Variants in PATL1 observed in about 807,000 individuals in gnomAD.
PATL1 encodes protein PAT1 homolog 1.
Under a neutral mutation model 100.6 loss-of-function variants are expected in PATL1, and 32 were observed. That is an observed-to-expected ratio of 0.32 (90% CI 0.24 to 0.43). PATL1 has a LOEUF of 0.43. Ranked by LOEUF, PATL1 falls within the 20% of genes least tolerant of loss-of-function variation. PATL1 has a pLI of 1.00. For missense variants in PATL1, 747 were observed against 949.9 expected (o/e 0.79, Z 2.81); for synonymous variants, 332 against 330.0 (o/e 1.01, Z -0.07).
chr11:59,641,017 C>T (rs1289941777), intron 16 of PATL1, among the ~76,000 whole-genome samples: 1 of 151,950 alleles, frequency 6.6e-6, no homozygotes, highest in Non-Finnish European at 1.5e-5. Context: ...GCTAAAAACA[C>T]AAACATTAGC....
chr11:59,664,643 T>C (rs1288172714), intron 2 of PATL1, among the ~76,000 whole-genome samples: 1 of 152,210 alleles, frequency 6.6e-6, no homozygotes, highest in African/African-American at 2.4e-5. Flanking sequence ...GGCACCATCA[T>C]AGCTGATGCA....
rs767487031 is a variant in PATL1, at chr11:59,642,967, G to A, written c.1962C>T (p.Ser654=). 3 of 1,613,966 alleles carry A rather than the reference G, an allele frequency of 1.9e-6. No homozygotes were observed. The highest frequency in any genetic ancestry group is 2.5e-6 in the Non-Finnish European group (3 of 1,179,860). ...GTAGGTTCATTAGCTGTCGCAAAAG[G>A]CTGGTGATACTCACTGATGGAAGAT... The part of the protein sequence containing the change: ...LYHLPSVSIT[S]LLRQLMNLPQ... Residue 654 remains serine (S), a synonymous_variant, in exon 16 of 19, where the codon AGC becomes AGT. Transcript: ENST00000300146.
chr11:59,668,388 T>C (rs1861722095), intron 1 of PATL1, among the ~76,000 whole-genome samples: 1 of 152,118 alleles, frequency 6.6e-6, no homozygotes, highest in African/African-American at 2.4e-5. Context: ...GCTGGGGCCC[T>C]AATCCAACGG....
chr11:59,641,793 A>C (rs1861284266), intron 16 of PATL1, among the ~76,000 whole-genome samples: 2 of 152,150 alleles, frequency 1.3e-5, no homozygotes, highest in Non-Finnish European at 2.9e-5. Context: ...CAGAAAAAAA[A>C]TACTACTGCC....
chr11:59,663,971 C>T (rs990219438), intron 2 of PATL1, among the ~76,000 whole-genome samples: 3 of 152,166 alleles, frequency 2.0e-5, no homozygotes, highest in Admixed American at 1.3e-4. Flanking sequence ...ATAGTATTTA[C>T]ACCAAGCTGT....
chr11:59,659,029 A>C, intron 3 of PATL1, 83 bp from the exon 4 acceptor site: 1 of 1,269,614 alleles, frequency 7.9e-7, no homozygotes, highest in Non-Finnish European at 1.1e-6. Flanking sequence ...ACAAGGTTCC[A>C]AAAGAGCCTC....
chr11:59,648,491 A>AC (rs1861395520), intron 14 of PATL1, among the ~76,000 whole-genome samples: 1 of 150,696 alleles, frequency 6.6e-6, no homozygotes, highest in Non-Finnish European at 1.5e-5. Context: ...CCACACAAAT[A>AC]CCATATGGTT....
intron 1 of PATL1, 191 bp from the exon 2 acceptor site, chr11:59,667,155 C>T (rs1222505000): frequency 1.2e-6 from 1 of 849,572 alleles, no homozygotes; most frequent in African/African-American, 1.8e-5. Flanking sequence ...CTTTCACTTT[C>T]TATTTCCTAA....
chr11:59,647,650 GACAAAAAT>G, intron 15 of PATL1, 96 bp downstream of exon 15: 1 of 1,233,188 alleles, frequency 8.1e-7, no homozygotes, highest in Non-Finnish European at 1.1e-6. Context: ...CCAAAGATTA[GACAAAAAT>G]ACAAAAGGGA....
At chr11:59,638,916 C>T (rs552957841) in intron 18 of PATL1, 132 bp downstream of exon 18, 2 of 1,032,764 alleles carry the variant, frequency 1.9e-6, no homozygotes, top group African/African-American at 1.6e-5. Context: ...CTCCTGGCCT[C>T]AAGTGATCCA....
intron 18 of PATL1, 39 bp from the exon 19 acceptor site, chr11:59,638,450 G>A (rs1367654827): frequency 6.4e-7 from 1 of 1,564,290 alleles, no homozygotes; most frequent in Non-Finnish European, 8.8e-7. Flanking sequence ...TTGTATAAAT[G>A]AGTTAAAACA....
chr11:59,638,561 A>G lies in PATL1; in HGVS notation c.2292-150T>C, dbSNP rs1861225557. 9.1e-6 allele frequency: 7 copies of G among 767,562 alleles called. No individual in the cohort carries two copies. In the East Asian group the frequency reaches 1.9e-4, roughly 21 times the overall value. The allele number at this position is 767,562 out of a possible 1,614,324, so 47.5% of individuals were successfully genotyped here. Reference sequence around the variant, plus strand: ...CCTTAGCATTTGGTCATCTTTTATGAAGGCCCTGTTGTACCCAGTTCAGTG... The same window carrying G: ...CCTTAGCATTTGGTCATCTTTTATGGAGGCCCTGTTGTACCCAGTTCAGTG... On this transcript the variant is annotated intron_variant, in intron 18 of 18. Transcript: ENST00000300146.
intron 16 of PATL1, 79 bp from the exon 17 acceptor site, chr11:59,639,462 C>G: frequency 2.8e-6 from 3 of 1,079,308 alleles, no homozygotes; most frequent in Non-Finnish European, 4.1e-6. Context: ...ATCCTGGCAT[C>G]AGATGGGGAA....
At chr11:59,666,678 G>T (rs1218390158) in intron 2 of PATL1, among the ~76,000 whole-genome samples, 175 bp downstream of exon 2, 1 of 152,220 alleles carries the variant, frequency 6.6e-6, no homozygotes, top group Admixed American at 6.5e-5. Context: ...ACCCAGAGGA[G>T]CAGGATAGGT....
At position 59,643,915 on chromosome 11, in the gene PATL1, C is replaced by G. The variant is rs80285603; in HGVS notation, c.1894-880G>C. 3.3e-3 allele frequency among the ~76,000 whole-genome samples: 509 copies of G among 152,124 alleles called. 5 individuals carry two copies. The highest frequency in any genetic ancestry group is 0.011 in the African/African-American group (457 of 41,480). On this transcript the variant is annotated intron_variant, in intron 15 of 18. Transcript: ENST00000300146. ...TTATTTCTTTTTGTCATGTAGCCAA[C>G]TGGAAAGTTAAAATAAAGAACTATT... is the stretch of plus-strand genomic sequence containing the variant.
chr11:59,652,088 A>AAAAAAAAAAAAAAAAAAAAAAAAAAAAC (rs1171198783), intron 11 of PATL1, among the ~76,000 whole-genome samples: 1 of 147,298 alleles, frequency 6.8e-6, no homozygotes, highest in Non-Finnish European at 1.5e-5. Context: ...AAAAAAAAAA[A>AAAAAAAAAAAAAAAAAAAAAAAAAAAAC]AAAAGACAAA....
rs555055100 is a variant in PATL1, at chr11:59,642,739, C to T, written c.2049+141G>A. 2.2e-5 allele frequency: 19 copies of T among 862,764 alleles called. No homozygotes were observed. The South Asian group carries it at 2.4e-4, about 11-fold the overall frequency. The allele number at this position is 862,764 out of a possible 1,614,324, so 53.4% of individuals were successfully genotyped here. A position where few individuals can be genotyped will look rare whatever the true frequency, so the allele number is the denominator to read the frequency against. The stretch of plus-strand genomic sequence containing the variant: ...TGTTGAAAACACTGTTATTTCTAGC[C>T]GGTTACTAGGAGCTTAATGTAACTC... On this transcript the variant is annotated intron_variant, in intron 16 of 18. Transcript: ENST00000300146.
rs1031928571 is a variant in PATL1 at position 59,668,931 on chromosome 11, G to C, written c.-36C>G. On this transcript the variant is annotated 5_prime_UTR_variant, in exon 1 of 19. Coordinates refer to ENST00000300146, the MANE Select transcript of PATL1 (RefSeq NM_152716.3). ...GGGGGCAGGGAGCGGGGAGGGGAGA[G>C]GGGGAGGGAGGGAAGAAGCGCTGAC... 7 of 435,774 alleles carry C rather than the reference G, an allele frequency of 1.6e-5. No homozygotes were observed. The highest frequency in any genetic ancestry group is 8.8e-5 in the South Asian group (2 of 22,750). 27.0% of individuals were successfully genotyped at this position (435,774 alleles called of 1,614,324 possible). A position where few individuals can be genotyped will look rare whatever the true frequency, so the allele number is the denominator to read the frequency against.
chr11:59,665,128 T>C (rs1390429920), intron 2 of PATL1, among the ~76,000 whole-genome samples: 3 of 152,254 alleles, frequency 2.0e-5, no homozygotes, highest in African/African-American at 7.2e-5. Flanking sequence ...CTTCTAATCA[T>C]AACAAAGTTT....
Sources: gnomAD v4.1 joint callset for allele counts (sites outside exome capture counted in the v4.1 genomes callset) on GRCh38, gnomAD v4.1.1 for gene constraint, MANE v1.5 for transcripts, NCBI Gene and HGNC (gene_info 2026-07-23, HGNC 2026-07-21) for gene names.